Variants in GAS7 observed in about 807,000 individuals in gnomAD.
The protein encoded by GAS7 is growth arrest specific 7.
In GAS7, 28 loss-of-function variants were observed where a neutral mutation model predicts 71.1. The ratio of observed to expected loss-of-function variants is 0.39; its 90% CI spans 0.29 to 0.54. The LOEUF (loss-of-function observed/expected upper bound fraction) is 0.54, where lower values mean the gene tolerates loss of function less well. Among genes scored for constraint, GAS7 ranks in the 20% least tolerant of loss-of-function variants. The pLI is 0.62. For missense variants in GAS7, 436 were observed against 627.8 expected (o/e 0.69, Z 3.27); for synonymous variants, 258 against 245.8 (o/e 1.05, Z -0.46).
chr17:10,173,731 G>A lies in GAS7; in HGVS notation c.183+24477C>T, dbSNP rs574153423. 4.0e-4 allele frequency among the ~76,000 whole-genome samples: 61 copies of A among 151,182 alleles called. No homozygotes were observed. In the South Asian group the frequency reaches 5.7e-3, roughly 14 times the overall value. On this transcript the variant is annotated intron_variant, in intron 1 of 13. Transcript: ENST00000432992. ...TGTAGTGAGCCGAGATCGTGCCACT[G>A]CACTGCAGCCTGGGGGACAGAGCTA...
At chr17:10,049,606 C>CTT (rs2073032570) in intron 1 of GAS7, among the ~76,000 whole-genome samples, 3 of 100,226 alleles carry the variant, frequency 3.0e-5, no homozygotes, top group South Asian at 3.9e-4. Context: ...TTTGAAATTA[C>CTT]TTCTTTTTTT....
chr17:10,192,431 A>G (rs2074509522), intron 1 of GAS7, among the ~76,000 whole-genome samples: 1 of 152,186 alleles, frequency 6.6e-6, no homozygotes, highest in African/African-American at 2.4e-5. Flanking sequence ...ACCAAAAAAC[A>G]TTTTCTTTCA....
intron 2 of GAS7, among the ~76,000 whole-genome samples, chr17:10,017,607 G>T (rs2072093315): frequency 6.6e-6 from 1 of 152,148 alleles, no homozygotes; most frequent in African/African-American, 2.4e-5. Context: ...GGGATTACAG[G>T]CATGAGCCAC....
chr17:10,098,539 G>C (rs1344798350), intron 1 of GAS7, among the ~76,000 whole-genome samples: 1 of 152,220 alleles, frequency 6.6e-6, no homozygotes, highest in Admixed American at 6.5e-5. Context: ...CCCAGTGGCC[G>C]AGACAGCAGA....
chr17:9,957,816 G>A (rs2069309565), intron 5 of GAS7, among the ~76,000 whole-genome samples: 1 of 152,080 alleles, frequency 6.6e-6, no homozygotes, highest in Admixed American at 6.5e-5. Context: ...CCCAGCCCTT[G>A]GAGACACCGT....
chr17:9,942,913 GC>G (rs2068654827), intron 7 of GAS7, among the ~76,000 whole-genome samples: 1 of 152,142 alleles, frequency 6.6e-6, no homozygotes, highest in African/African-American at 2.4e-5. Flanking sequence ...TTTAAGTGTT[GC>G]TTTCAATATT....
chr17:10,041,047 A>G (rs1019230324), intron 1 of GAS7, among the ~76,000 whole-genome samples: 2 of 152,024 alleles, frequency 1.3e-5, no homozygotes, highest in Non-Finnish European at 2.9e-5. Context: ...CTGTAATCCC[A>G]GCTACCAGGG....
intron 1 of GAS7, among the ~76,000 whole-genome samples, chr17:10,035,512 C>T (rs753879401): frequency 2.3e-4 from 35 of 152,188 alleles, no homozygotes; most frequent in Non-Finnish European, 4.6e-4. Context: ...ATCTCCCTTC[C>T]CCTGGCACTG....
At chr17:10,040,558 G>A (rs978722777) in intron 1 of GAS7, among the ~76,000 whole-genome samples, 4 of 152,024 alleles carry the variant, frequency 2.6e-5, no homozygotes, top group Admixed American at 6.6e-5. Flanking sequence ...GGAGGAAACC[G>A]GCTATAGAAT....
In GAS7 at chr17:10,133,162, C is replaced by T. The variant is rs1479814063; in HGVS notation, c.183+65046G>A. Among the ~76,000 whole-genome samples, 4 of 145,432 alleles carry T rather than the reference C, an allele frequency of 2.8e-5. 1 individual carries two copies. The highest frequency in any genetic ancestry group is 4.4e-4 in the South Asian group (2 of 4,528). On this transcript the variant is annotated intron_variant, in intron 1 of 13. Coordinates refer to ENST00000432992, the MANE Select transcript of GAS7 (RefSeq NM_201433.2). ...TTTTTGAGATGGAGTCTCGCTCTGT[C>T]GCCCAGGTTGAGATCGTGCAGTGGC...
intron 1 of GAS7, among the ~76,000 whole-genome samples, chr17:10,177,984 G>A (rs1301650381): frequency 3.9e-5 from 6 of 152,094 alleles, no homozygotes; most frequent in Admixed American, 2.0e-4. Context: ...ACCTCCGAGA[G>A]CAAAGCTGAC....
At chr17:10,167,156 C>CA (rs1253298517) in intron 1 of GAS7, among the ~76,000 whole-genome samples, 6 of 142,196 alleles carry the variant, frequency 4.2e-5, no homozygotes, top group Non-Finnish European at 7.5e-5. Flanking sequence ...CGCCTGGGTT[C>CA]AAGCGATCCT....
chr17:9,959,007 T>C lies in GAS7; in HGVS notation c.525+195A>G. 1 of 1,416,648 alleles carries C rather than the reference T, an allele frequency of 7.1e-7. No individual in the cohort carries two copies. Among genetic ancestry groups the C allele is most frequent in the South Asian group, 1.5e-5 (1 of 65,632 alleles). 87.8% of individuals were successfully genotyped at this position (1,416,648 alleles called of 1,614,324 possible). ...CTTGTTCACCAGGAGAGAAGTGAAA[T>C]GTGAAATTGACAGGAGAAGGGGAGG... On this transcript the variant is annotated intron_variant, in intron 5 of 13. Transcript: ENST00000432992. This position sits in a 1 kb window ranked among gnomAD's most constrained non-coding sequence, Gnocchi z 5.0.
intron 1 of GAS7, among the ~76,000 whole-genome samples, chr17:10,058,890 T>C (rs889305114): frequency 6.6e-6 from 1 of 152,216 alleles, no homozygotes; most frequent in Admixed American, 6.5e-5. Context: ...ATCCAAGTTT[T>C]GTAGATTCAA....
At chr17:10,005,083 GTGTGTGCACGCATACATGCA>G (rs1032930563) in intron 2 of GAS7, among the ~76,000 whole-genome samples, 6 of 131,874 alleles carry the variant, frequency 4.5e-5, no homozygotes, top group African/African-American at 1.4e-4. Flanking sequence ...GCATACATGC[GTGTGTGCACGCATACATGCA>G]TGTGTGTGCG....
chr17:10,063,866 G>C (rs143758115), intron 1 of GAS7, among the ~76,000 whole-genome samples: 7 of 152,280 alleles, frequency 4.6e-5, no homozygotes, highest in Middle Eastern at 3.4e-3. Flanking sequence ...GGTGGTGAGG[G>C]GGGCAGAGGA....
intron 1 of GAS7, among the ~76,000 whole-genome samples, chr17:10,081,809 T>G (rs1386990768): frequency 6.6e-6 from 1 of 152,194 alleles, no homozygotes; most frequent in African/African-American, 2.4e-5. Context: ...ACTCTGTGGG[T>G]GGCAGTCTGC....
At chr17:10,041,939 C>A (rs1178784462) in intron 1 of GAS7, among the ~76,000 whole-genome samples, 1 of 152,156 alleles carries the variant, frequency 6.6e-6, no homozygotes, top group Non-Finnish European at 1.5e-5. Flanking sequence ...AAACTGTCAA[C>A]CAAAATAGGC....
intron 7 of GAS7, 126 bp from the exon 8 acceptor site, chr17:9,940,326 C>T (rs927698448): frequency 8.1e-6 from 6 of 738,214 alleles, no homozygotes; most frequent in Non-Finnish European, 1.5e-5. Context: ...GACCACATGG[C>T]TCTTGTCTGT....
Sources: gnomAD v4.1 joint callset for allele counts (sites outside exome capture counted in the v4.1 genomes callset) on GRCh38, gnomAD v4.1.1 for gene constraint, Gnocchi (gnomAD v3.1) non-coding constraint, MANE v1.5 for transcripts, NCBI Gene and HGNC (gene_info 2026-07-23, HGNC 2026-07-21) for gene names.